Variants in GPR179 observed in about 807,000 individuals in gnomAD.
The protein encoded by GPR179 is G protein-coupled receptor 179, also known as probable G protein-coupled receptor 179.
Under a neutral mutation model 70.8 loss-of-function variants are expected in GPR179, and 52 were observed. The ratio of observed to expected loss-of-function variants is 0.73; its 90% CI spans 0.59 to 0.93. The LOEUF (loss-of-function observed/expected upper bound fraction) is 0.93. Ranked by LOEUF, GPR179 falls within the 40% of genes least tolerant of loss-of-function variation. The pLI is 0.00. For synonymous variants in GPR179, 1,123 were observed against 1,169.0 expected, an observed-to-expected ratio of 0.96 and a Z score of 0.80; for missense variants, 2,734 against 2,966.8, an observed-to-expected ratio of 0.92 and a Z score of 1.82.
chr17:38,332,941 T>A (rs577337735), intron 10 of GPR179, among the ~76,000 whole-genome samples: 8 of 152,364 alleles, frequency 5.3e-5, no homozygotes, highest in Admixed American at 1.3e-4. Context: ...CCCGACCTGA[T>A]GCCCCTGCTG....
chr17:38,334,069 T>C lies in GPR179; in HGVS notation c.1785-31A>G. On this transcript the variant is annotated intron_variant, in intron 8 of 10. Coordinates refer to ENST00000616987, the MANE Select transcript of GPR179 (RefSeq NM_001004334.4). The surrounding 1 kb of genome is among the most constrained non-coding windows in gnomAD (Gnocchi z 4.7). The stretch of plus-strand genomic sequence containing the variant: ...GCGGGATAGGGGCGCAGGTCATTAC[T>C]GCAGGCAGGAGTTGCCTCTTCTGCT... The C allele has an allele frequency of 6.7e-7, 1 of 1,482,902 alleles. No individual in the cohort carries two copies. The highest frequency in any genetic ancestry group is 2.3e-5 in the East Asian group (1 of 44,274). 91.9% of individuals were successfully genotyped at this position (1,482,902 alleles called of 1,614,324 possible).
In GPR179 at chr17:38,343,666, C is replaced by A. The variant is rs1272226055; in HGVS notation, c.124G>T (p.Val42Phe). The A allele has an allele frequency of 6.2e-7, 1 of 1,611,632 alleles. No homozygotes were observed. Among genetic ancestry groups the A allele is most frequent in the East Asian group, 2.2e-5 (1 of 44,802 alleles). Reference protein sequence around the residue: ...IRSLPPLSSQVKPGSVPMQVP... With the variant: ...IRSLPPLSSQFKPGSVPMQVP... ...TGCATGGGTACAGATCCTGGCTTGA[C>A]TTGGGAAGACAGAGGGGGCAGAGAG... Residue 42 changes from valine to phenylalanine, a missense_variant, in exon 1 of 11, where the codon GTC becomes TTC. By Grantham distance (50) the Val-to-Phe change is conservative. Transcript: ENST00000616987. The surrounding 1 kb of genome is among the most constrained non-coding windows in gnomAD (Gnocchi z 4.2).
intron 4 of GPR179, 79 bp from the exon 5 acceptor site, chr17:38,336,223 C>T: frequency 3.2e-6 from 3 of 949,752 alleles, no homozygotes; most frequent in East Asian, 2.4e-5. Flanking sequence ...TGAACGGTCA[C>T]TCAGTGACCC....
At chr17:38,336,052 G>A in intron 5 of GPR179, 24 bp downstream of exon 5, 1 of 1,585,756 alleles carries the variant, frequency 6.3e-7, no homozygotes, top group East Asian at 2.2e-5. Flanking sequence ...GGAAGGTGGG[G>A]CCAGCCTGTG....
In GPR179 at chr17:38,330,546, G is replaced by A. The variant is rs1206000271; in HGVS notation, c.3023C>T (p.Pro1008Leu). The A allele has an allele frequency of 1.3e-6, 2 of 1,569,216 alleles. No homozygotes were observed. Among genetic ancestry groups the A allele is most frequent in the East Asian group, 4.5e-5 (2 of 44,582 alleles). Residue 1008 changes from proline to leucine, a missense_variant, in exon 11 of 11, where the codon CCC (proline) becomes CTC (leucine). Transcript: ENST00000616987. ...AELPAKQENV[P>L]QEGPSGPERG... ...CTCTGGCCCTGAGGGGCCTTCCTGG[G>A]GCACATTTTCTTGCTTGGCTGGCAG... is the stretch of plus-strand genomic sequence containing the variant.
chr17:38,335,447 C>G, intron 6 of GPR179, 144 bp downstream of exon 6: 1 of 761,638 alleles, frequency 1.3e-6, no homozygotes, highest in Non-Finnish European at 2.2e-6. Flanking sequence ...ACATGGAAGA[C>G]AAGGCTATGG....
intron 2 of GPR179, 103 bp downstream of exon 2, chr17:38,339,314 G>A: frequency 1.4e-6 from 1 of 704,678 alleles, no homozygotes; most frequent in Non-Finnish European, 2.5e-6. Context: ...TGAGATGCTG[G>A]GGTAGCTTTG....
chr17:38,333,206 T>C, intron 10 of GPR179, 45 bp downstream of exon 10: 3 of 1,590,826 alleles, frequency 1.9e-6, no homozygotes, highest in Admixed American at 1.7e-5. Flanking sequence ...TCTGCCCAGT[T>C]CCTAAAAGCT....
In GPR179 at chr17:38,326,524, A is replaced by C. The variant is rs2037286799; in HGVS notation, c.7045T>G (p.Phe2349Val). 1.2e-6 allele frequency: 2 copies of C among 1,613,780 alleles called. No individual in the cohort carries two copies. The highest frequency in any genetic ancestry group is 1.3e-5 in the African/African-American group (1 of 74,924). The change falls in exon 11 of 11, where the codon TTT becomes GTT. Residue 2349 changes from phenylalanine (F) to valine (V), a missense_variant. Coordinates refer to ENST00000616987, the MANE Select transcript of GPR179 (RefSeq NM_001004334.4). ...GTGAATTCTTCATACTGAGCTTCAA[A>C]AGCCACTTGGCCTGAGTCTTCAGTT... is the stretch of plus-strand genomic sequence containing the variant. ...SLTEDSGQVA[F>V]EAQYEEFTPP...
chr17:38,342,118 A>G (rs898850579), intron 1 of GPR179, among the ~76,000 whole-genome samples: 1 of 125,842 alleles, frequency 7.9e-6, no homozygotes, highest in Non-Finnish European at 1.9e-5. Flanking sequence ...CTCTGTCTTG[A>G]AAAAAAAAAA....
chr17:38,330,397 C>G lies in GPR179; in HGVS notation c.3172G>C (p.Ala1058Pro). Residue 1058 changes from alanine (A) to proline (P), a missense_variant, in exon 11 of 11, where the codon GCT becomes CCT. Coordinates refer to ENST00000616987, the MANE Select transcript of GPR179 (RefSeq NM_001004334.4). ...DAEDAHHQRE[A>P]NDVDEDRPKI... ...GGCCTGTCTTCGTCCACATCATTAG[C>G]TTCCCTCTGGTGATGTGCATCCTCT... 6.2e-7 allele frequency: 1 copy of G among 1,610,884 alleles called. No individual in the cohort carries two copies. The highest frequency in any genetic ancestry group is 8.5e-7 in the Non-Finnish European group (1 of 1,178,314).
At chr17:38,333,526 G>A (rs1597665972) in intron 9 of GPR179, 129 bp from the exon 10 acceptor site, 1 of 983,960 alleles carries the variant, frequency 1.0e-6, no homozygotes, top group East Asian at 2.6e-5. Flanking sequence ...TGGAATTCTG[G>A]GGATCTTTAG....
rs368589392 is a variant in GPR179 at position 38,331,004 on chromosome 17, G to C, written c.2565C>G (p.Ser855Arg). 6.2e-7 allele frequency: 1 copy of C among 1,611,418 alleles called. No individual in the cohort carries two copies. Among genetic ancestry groups the C allele is most frequent in the Non-Finnish European group, 8.5e-7 (1 of 1,179,918 alleles). The change falls in exon 11 of 11, where the codon AGC becomes AGG. Residue 855 changes from serine (S) to arginine (R), a missense_variant. Transcript: ENST00000616987. Reference protein sequence around the residue: ...SSREKALLMASQAYLEETYRQ... With the variant: ...SSREKALLMARQAYLEETYRQ... The stretch of plus-strand genomic sequence containing the variant: ...GGTAGGTCTCCTCCAGGTAGGCCTG[G>C]CTGGCCATGAGCAAGGCCTTTTCCC...
chr17:38,329,159 A>T lies in GPR179; in HGVS notation c.4410T>A (p.Ala1470=), dbSNP rs373499377. 4 of 1,613,648 alleles carry T rather than the reference A, an allele frequency of 2.5e-6. No homozygotes were observed. The African/African-American group carries it at 5.3e-5, about 22-fold the overall frequency. Residue 1470 remains alanine (A), a synonymous_variant, in exon 11 of 11, where the codon GCT becomes GCA. Coordinates refer to ENST00000616987, the MANE Select transcript of GPR179 (RefSeq NM_001004334.4). ...AGATCTCTGCTTTCTGGATAGCAGG[A>T]GCATCTCCTGCCTCCCACAGACACA... ...AEVCLWEAGD[A]PAIQKAEICP...
In GPR179 at chr17:38,330,028, T is replaced by C; in HGVS notation, c.3541A>G (p.Arg1181Gly). The C allele has an allele frequency of 1.2e-6, 2 of 1,614,242 alleles. No individual in the cohort carries two copies. The highest frequency in any genetic ancestry group is 1.7e-6 in the Non-Finnish European group (2 of 1,180,040). Reference sequence around the variant, plus strand: ...TCCCCTAGACCCTGGGTCATCCTCCTGCCTCTGTCTTCTTGTTCCCTGCTG... The same window carrying C: ...TCCCCTAGACCCTGGGTCATCCTCCCGCCTCTGTCTTCTTGTTCCCTGCTG... ...EGSREQEDRG[R>G]RMTQGLGERK... Residue 1181 changes from arginine (R) to glycine (G), a missense_variant, in exon 11 of 11, where the codon AGG becomes GGG. By Grantham distance (125) the Arg-to-Gly change is moderately radical (BLOSUM62 -2). Transcript: ENST00000616987.
chr17:38,325,870 A>T lies in GPR179; in HGVS notation c.*595T>A, dbSNP rs2037280714. The T allele has an allele frequency of 6.6e-6, 1 of 152,298 alleles. No individual in the cohort carries two copies. 9.4% of individuals were successfully genotyped at this position (152,298 alleles called of 1,614,324 possible). A position where few individuals can be genotyped will look rare whatever the true frequency, so the allele number is the denominator to read the frequency against. On this transcript the variant is annotated 3_prime_UTR_variant, in exon 11 of 11. Coordinates refer to ENST00000616987, the MANE Select transcript of GPR179 (RefSeq NM_001004334.4). ...GCAGAAACAGGAGATTCAAAGTCAA[A>T]ATGACAAGGTCCTTAAAGCATTTTC...
chr17:38,331,274 T>C lies in GPR179; in HGVS notation c.2295A>G (p.Thr765=), dbSNP rs1326294161. The C allele has an allele frequency of 6.3e-7, 1 of 1,593,346 alleles. No individual in the cohort carries two copies. Among genetic ancestry groups the C allele is most frequent in the East Asian group, 2.3e-5 (1 of 44,094 alleles). Residue 765 remains threonine (T), a synonymous_variant, in exon 11 of 11, where the codon ACA becomes ACG. Transcript: ENST00000616987. ...TGCTGCGGGACTTGTGCAGAGCTGG[T>C]GTCCCCTCGGGTTCCTGGAGGCTGG... The part of the protein sequence containing the change: ...LSSSLQEPEG[T]PALHKSRSTY...
Position 38,334,135 on chromosome 17 carries a change from T to A in GPR179, c.1785-97A>T. ...CGTTTCACCTCAGCCCCAACCCTGA[T>A]ACGCTTAGGACGAGGGGGCATTCTG... On this transcript the variant is annotated intron_variant, in intron 8 of 10. Coordinates refer to ENST00000616987, the MANE Select transcript of GPR179 (RefSeq NM_001004334.4). This position sits in a 1 kb window ranked among gnomAD's most constrained non-coding sequence, Gnocchi z 4.7. The A allele has an allele frequency of 2.3e-6, 2 of 867,138 alleles. No homozygotes were observed. 53.7% of individuals were successfully genotyped at this position (867,138 alleles called of 1,614,324 possible). A position where few individuals can be genotyped will look rare whatever the true frequency, so the allele number is the denominator to read the frequency against.
Position 38,339,445 on chromosome 17 carries a change from G to T in GPR179, c.875C>A (p.Thr292Lys). 6.2e-7 allele frequency: 1 copy of T among 1,613,416 alleles called. No individual in the cohort carries two copies. Among genetic ancestry groups the T allele is most frequent in the Non-Finnish European group, 8.5e-7 (1 of 1,179,376 alleles). ...GGTGCTGTTGAGATCACACAGGTGT[G>T]TGTTAGAGTACCAGCCTGGGCCACT... ...CASGPGWYSN[T>K]HLCDLNSTQC... The change falls in exon 2 of 11, where the codon ACA becomes AAA. Residue 292 changes from threonine (T) to lysine (K), a missense_variant. Thr to Lys is a moderately conservative substitution (Grantham distance 78). Transcript: ENST00000616987.
Sources: allele counts gnomAD v4.1 joint callset (sites outside exome capture counted in the v4.1 genomes callset), GRCh38; gene constraint gnomAD v4.1.1; non-coding constraint Gnocchi (gnomAD v3.1); transcripts MANE v1.5; gene names NCBI Gene and HGNC (gene_info 2026-07-23, HGNC 2026-07-21).